Variants in FBXL13 observed in about 807,000 individuals in gnomAD.
FBXL13 encodes F-box and leucine-rich repeat protein 13.
FBXL13 carries 67 observed loss-of-function variants against 83.6 expected under a neutral mutation model. The observed-to-expected ratio is 0.80, with a 90% CI of 0.66 to 0.98. The LOEUF is 0.98. FBXL13 is among the 50% of genes least tolerant of loss of function. The pLI, the probability that FBXL13 is intolerant of heterozygous loss-of-function variation, is 0.00. For synonymous variants in FBXL13, 272 were observed against 299.5 expected, an observed-to-expected ratio of 0.91 and a Z score of 0.95; for missense variants, 822 against 866.5, an observed-to-expected ratio of 0.95 and a Z score of 0.64.
Position 102,985,514 on chromosome 7 carries a change from A to G in FBXL13, c.496-17397T>C, listed in dbSNP as rs919546928. 2.0e-5 allele frequency among the ~76,000 whole-genome samples: 3 copies of G among 152,354 alleles called. No individual in the cohort carries two copies. The East Asian group carries it at 5.8e-4, about 29-fold the overall frequency. ...AGGAAGATCCCCAGAAAGGGGGAGTAGATGGGATTTGTGTTCAATACTTTT... is the reference window on the plus strand; with the variant it reads ...AGGAAGATCCCCAGAAAGGGGGAGTGGATGGGATTTGTGTTCAATACTTTT... On this transcript the variant is annotated intron_variant, in intron 6 of 19. Coordinates refer to ENST00000313221, the Ensembl canonical transcript of FBXL13.
chr7:102,836,948 T>C (rs1434403339), intron 17 of FBXL13, among the ~76,000 whole-genome samples: 1 of 152,218 alleles, frequency 6.6e-6, no homozygotes, highest in South Asian at 2.1e-4. Context: ...TACTGCAAAG[T>C]TGGGGAGTTT....
At chr7:102,814,150 A>T (rs1420761022) in intron 19 of FBXL13, among the ~76,000 whole-genome samples, 1 of 152,220 alleles carries the variant, frequency 6.6e-6, no homozygotes, top group African/African-American at 2.4e-5. Context: ...AAGTAGGTCT[A>T]ACTTGAAAAC....
intron 8 of FBXL13, chr7:102,939,463 A>C (rs1203401182): frequency 1.2e-6 from 2 of 1,613,514 alleles, no homozygotes; most frequent in Admixed American, 1.7e-5. Context: ...ATCCCTCCAG[A>C]TATTGTTAAA....
At chr7:102,957,430 C>A (rs1237791093) in intron 8 of FBXL13, among the ~76,000 whole-genome samples, 2 of 152,126 alleles carry the variant, frequency 1.3e-5, no homozygotes, top group Admixed American at 6.6e-5. Flanking sequence ...ACCATAAAAA[C>A]CCTAGAAGAA....
chr7:103,024,870 T>G (rs1429085191), intron 6 of FBXL13, among the ~76,000 whole-genome samples, 193 bp downstream of exon 7: 1 of 132,908 alleles, frequency 7.5e-6, no homozygotes, highest in Non-Finnish European at 1.6e-5. Flanking sequence ...TTTTTTTTTT[T>G]TTTTTTTGAG....
chr7:102,842,245 G>A (rs950457968), intron 17 of FBXL13, among the ~76,000 whole-genome samples: 2 of 152,164 alleles, frequency 1.3e-5, no homozygotes, highest in South Asian at 2.1e-4. Context: ...CTTCTGTTGC[G>A]AACCATAAAC....
At chr7:102,843,638 T>C (rs1562981003) in intron 17 of FBXL13, among the ~76,000 whole-genome samples, 1 of 151,790 alleles carries the variant, frequency 6.6e-6, no homozygotes. Flanking sequence ...TAGCCAGACA[T>C]GGTCGTGGGC....
At chr7:102,926,839 T>C (rs1368976738) in intron 9 of FBXL13, among the ~76,000 whole-genome samples, 1 of 152,244 alleles carries the variant, frequency 6.6e-6, no homozygotes, top group East Asian at 1.9e-4. Context: ...CATTTATACA[T>C]AGATGTGTGT....
chr7:102,953,358 GA>G (rs199721072), intron 8 of FBXL13, among the ~76,000 whole-genome samples: 38 of 148,188 alleles, frequency 2.6e-4, no homozygotes, highest in African/African-American at 6.7e-4. Flanking sequence ...TTCAACAGAC[GA>G]AAAAAAAAAT....
chr7:102,838,849 T>C (rs1246535206), intron 17 of FBXL13, among the ~76,000 whole-genome samples: 5 of 152,066 alleles, frequency 3.3e-5, no homozygotes, highest in Non-Finnish European at 7.4e-5. Context: ...TTGTCCAAGG[T>C]TTCTCCCCAT....
At chr7:102,910,926 T>G (rs1411073526) in intron 11 of FBXL13, among the ~76,000 whole-genome samples, 2 of 152,080 alleles carry the variant, frequency 1.3e-5, no homozygotes, top group Non-Finnish European at 2.9e-5. Context: ...GCCTGGCCAA[T>G]TTTTTGCATT....
At chr7:102,878,447 A>G in exon 15 of FBXL13, 1 of 1,584,322 alleles carries the variant, frequency 6.3e-7, no homozygotes, top group Non-Finnish European at 8.6e-7. Context: ...CCATATCACC[A>G]ATTCTGTAGG....
intron 1 of FBXL13, among the ~76,000 whole-genome samples, chr7:103,056,479 G>A (rs1448607173): frequency 6.6e-6 from 1 of 151,504 alleles, no homozygotes; most frequent in African/African-American, 2.4e-5. Flanking sequence ...TTTTTTTTGA[G>A]CAGAGTCTTG....
intron 6 of FBXL13, among the ~76,000 whole-genome samples, chr7:103,014,821 G>A (rs963819623): frequency 3.3e-5 from 5 of 150,872 alleles, no homozygotes; most frequent in Non-Finnish European, 7.4e-5. Context: ...TACTTGGGAG[G>A]CTGAGGCAGG....
At chr7:102,976,172 A>G (rs1827417403) in intron 6 of FBXL13, 8 of 766,032 alleles carry the variant, frequency 1.0e-5, no homozygotes, top group Non-Finnish European at 1.7e-5. Flanking sequence ...GCCTTGGAAC[A>G]GACACCCCAG....
At chr7:102,925,754 C>T (rs542391216) in intron 10 of FBXL13, among the ~76,000 whole-genome samples, 153 of 152,142 alleles carry the variant, frequency 1.0e-3, no homozygotes, top group African/African-American at 3.5e-3. Flanking sequence ...CCAGCCTGAC[C>T]AACATGGAGA....
chr7:103,027,740 G>A lies in FBXL13; in HGVS notation c.218-182C>T, dbSNP rs148869950. Among the ~76,000 whole-genome samples, 751 of 152,250 alleles carry A rather than the reference G, an allele frequency of 4.9e-3. 9 individuals carry two copies. The highest frequency in any genetic ancestry group is 0.017 in the African/African-American group (695 of 41,542). On this transcript the variant is annotated intron_variant, in intron 4 of 19. Coordinates refer to ENST00000313221, the Ensembl canonical transcript of FBXL13. ...AGCATTAGTACTCTCAAGACTTTAC[G>A]AACTGGGAAACATCACCTTTGCCCT...
chr7:102,924,177 G>A (rs1383688655), intron 10 of FBXL13, among the ~76,000 whole-genome samples: 1 of 151,432 alleles, frequency 6.6e-6, no homozygotes, highest in Non-Finnish European at 1.5e-5. Context: ...GGCGAAGGTT[G>A]CGGTGAGCTG....
At chr7:103,035,853 A>G (rs1795012979) in intron 2 of FBXL13, among the ~76,000 whole-genome samples, 1 of 152,228 alleles carries the variant, frequency 6.6e-6, no homozygotes, top group African/African-American at 2.4e-5. Context: ...TCACCATATT[A>G]TAAAGTACCA....
Sources: allele counts gnomAD v4.1 joint callset (sites outside exome capture counted in the v4.1 genomes callset), GRCh38; gene constraint gnomAD v4.1.1; transcripts MANE v1.5; gene names NCBI Gene and HGNC (gene_info 2026-07-23, HGNC 2026-07-21).